Variants in SBF2 observed in about 807,000 individuals in gnomAD.
The protein encoded by SBF2 is SET binding factor 2, also known as myotubularin-related protein 13.
In SBF2, 112 loss-of-function variants were observed where a neutral mutation model predicts 225.2. The observed-to-expected ratio is 0.50, with a 90% confidence interval of 0.43 to 0.58. The LOEUF (loss-of-function observed/expected upper bound fraction) is 0.58, where lower values mean the gene tolerates loss of function less well. Ranked by LOEUF, SBF2 falls within the 20% of genes least tolerant of loss-of-function variation. SBF2 has a pLI of 0.00. For synonymous variants in SBF2, 763 were observed against 773.3 expected (o/e 0.99, Z 0.22); for missense variants, 1,996 against 2,206.2 (o/e 0.90, Z 1.91).
chr11:9,912,016 A>T (rs1032220062), intron 16 of SBF2, among the ~76,000 whole-genome samples: 6 of 152,092 alleles, frequency 3.9e-5, no homozygotes, highest in South Asian at 2.1e-4. Context: ...AACACTATAA[A>T]TTTTTTTTGT....
At chr11:10,228,276 G>A (rs569786331) in intron 1 of SBF2, among the ~76,000 whole-genome samples, 48 of 152,254 alleles carry the variant, frequency 3.2e-4, no homozygotes, top group Non-Finnish European at 2.8e-4. Flanking sequence ...AACAGGGACA[G>A]TTTGACTTCC....
chr11:10,181,300 A>T (rs937734780), intron 2 of SBF2, among the ~76,000 whole-genome samples: 1 of 152,140 alleles, frequency 6.6e-6, no homozygotes, highest in Non-Finnish European at 1.5e-5. Flanking sequence ...AACACTGAGC[A>T]AGCTATGAAA....
At chr11:9,994,432 G>A (rs1336621714) in intron 9 of SBF2, among the ~76,000 whole-genome samples, 84 of 148,690 alleles carry the variant, frequency 5.6e-4, no homozygotes, top group Middle Eastern at 3.5e-3. Context: ...CCGAGATTGC[G>A]CCACTGCACT....
chr11:10,130,637 A>G (rs1438803864), intron 2 of SBF2, among the ~76,000 whole-genome samples: 1 of 152,146 alleles, frequency 6.6e-6, no homozygotes, highest in Non-Finnish European at 1.5e-5. Flanking sequence ...ATCAATAAAT[A>G]AAACTATTCT....
At chr11:10,131,949 T>C (rs1052692225) in intron 2 of SBF2, among the ~76,000 whole-genome samples, 6 of 152,214 alleles carry the variant, frequency 3.9e-5, no homozygotes, top group African/African-American at 1.4e-4. Flanking sequence ...TCCAAAGATG[T>C]TCTATGTTTT....
intron 4 of SBF2, 80 bp downstream of exon 4, chr11:10,030,968 T>C (rs1239768254): frequency 8.2e-7 from 1 of 1,220,714 alleles, no homozygotes; most frequent in Non-Finnish European, 1.2e-6. Flanking sequence ...ATATTTTCAA[T>C]CCAAAGAACT....
intron 16 of SBF2, among the ~76,000 whole-genome samples, chr11:9,929,677 C>G (rs1031701911): frequency 6.6e-6 from 1 of 152,162 alleles, no homozygotes; most frequent in Non-Finnish European, 1.5e-5. Context: ...AAAAGTTGAA[C>G]AAATTGGGCT....
At chr11:9,823,499 A>C (rs1854891954) in intron 28 of SBF2, among the ~76,000 whole-genome samples, 1 of 150,048 alleles carries the variant, frequency 6.7e-6, no homozygotes, top group South Asian at 2.1e-4. Flanking sequence ...ACTAGGGGTT[A>C]GGGTAAAAAA....
chr11:10,120,104 AGCCCCTG>A (rs944696139), intron 2 of SBF2, among the ~76,000 whole-genome samples: 2 of 152,142 alleles, frequency 1.3e-5, no homozygotes, highest in African/African-American at 4.8e-5. Flanking sequence ...CCCTTCCCCT[AGCCCCTG>A]GCAATCCCAT....
At chr11:9,921,564 CTAGAATTATACCTGAT>C (rs1448097066) in intron 16 of SBF2, among the ~76,000 whole-genome samples, 1 of 152,142 alleles carries the variant, frequency 6.6e-6, no homozygotes, top group African/African-American at 2.4e-5. Context: ...TTCTAAAAAA[CTAGAATTATACCTGAT>C]TTTGGATACA....
At chr11:10,041,135 A>C (rs1375115969) in intron 3 of SBF2, among the ~76,000 whole-genome samples, 1 of 152,136 alleles carries the variant, frequency 6.6e-6, no homozygotes, top group Non-Finnish European at 1.5e-5. Flanking sequence ...TATGGAAATA[A>C]CAGAATATAC....
intron 16 of SBF2, among the ~76,000 whole-genome samples, chr11:9,928,653 T>C (rs1400072596): frequency 6.6e-6 from 1 of 152,202 alleles, no homozygotes; most frequent in Non-Finnish European, 1.5e-5. Context: ...TGCATGAATG[T>C]TGAGAGCAGT....
At chr11:10,134,266 C>G (rs547416722) in intron 2 of SBF2, among the ~76,000 whole-genome samples, 1 of 152,162 alleles carries the variant, frequency 6.6e-6, no homozygotes, top group African/African-American at 2.4e-5. Flanking sequence ...GATTCAATTA[C>G]CTCCCACTGG....
chr11:9,925,801 T>G (rs1863988831), intron 16 of SBF2, among the ~76,000 whole-genome samples: 1 of 152,214 alleles, frequency 6.6e-6, no homozygotes, highest in South Asian at 2.1e-4. Flanking sequence ...ATCTCTTTTC[T>G]TCCCACAATT....
At chr11:10,118,720 G>A (rs1024973378) in intron 2 of SBF2, among the ~76,000 whole-genome samples, 1 of 151,812 alleles carries the variant, frequency 6.6e-6, no homozygotes, top group Non-Finnish European at 1.5e-5. Flanking sequence ...TGACATAATT[G>A]AATGAGTTAA....
intron 2 of SBF2, among the ~76,000 whole-genome samples, chr11:10,181,440 T>G (rs1192390581): frequency 1.3e-5 from 2 of 152,110 alleles, no homozygotes; most frequent in African/African-American, 4.8e-5. Flanking sequence ...TTTTCCCAAT[T>G]TTTGAAGTGA....
At chr11:10,122,646 ACACT>A (rs760337419) in intron 2 of SBF2, among the ~76,000 whole-genome samples, 7 of 152,234 alleles carry the variant, frequency 4.6e-5, no homozygotes, top group Admixed American at 6.5e-5. Context: ...GAATCATTTG[ACACT>A]CACTCAGTTA....
chr11:10,153,720 T>G (rs1219525160), intron 2 of SBF2, among the ~76,000 whole-genome samples: 1 of 151,816 alleles, frequency 6.6e-6, no homozygotes, highest in African/African-American at 2.4e-5. Context: ...CAGAAAAAAA[T>G]AAATGAAAGC....
rs1192849606 is a variant in SBF2, at chr11:9,848,098, G to C, written c.2807-1015C>G. Among the ~76,000 whole-genome samples the C allele has an allele frequency of 2.6e-5, 4 of 151,940 alleles. No individual in the cohort carries two copies. The South Asian group carries it at 8.3e-4, about 32-fold the overall frequency. On this transcript the variant is annotated intron_variant, in intron 22 of 39. Coordinates refer to ENST00000256190, the MANE Select transcript of SBF2 (RefSeq NM_030962.4). The stretch of plus-strand genomic sequence containing the variant: ...AGCTAGTAAGCCAGGGTGGGGAGGG[G>C]GTGGGGAGATCTGAACTAGGTTCAT...
Sources: gnomAD v4.1 joint callset for allele counts (sites outside exome capture counted in the v4.1 genomes callset) on GRCh38, gnomAD v4.1.1 for gene constraint, MANE v1.5 for transcripts, NCBI Gene and HGNC (gene_info 2026-07-23, HGNC 2026-07-21) for gene names.